SNTB2: variants seen among roughly 807,000 people sequenced by gnomAD.
SNTB2 encodes syntrophin beta 2.
Under a neutral mutation model 46.2 loss-of-function variants are expected in SNTB2, and 34 were observed. That is an observed-to-expected ratio of 0.74 (90% CI 0.56 to 0.98). The LOEUF is 0.98. Ranked by LOEUF, SNTB2 falls within the 50% of genes least tolerant of loss-of-function variation. The probability of loss-of-function intolerance (pLI) is 0.00; values close to 1 mark genes in which losing one functional copy is unlikely to be tolerated. For synonymous variants in SNTB2, 290 were observed against 312.6 expected (o/e 0.93, Z 0.76); for missense variants, 603 against 731.4 (o/e 0.82, Z 2.02).
intron 3 of SNTB2, among the ~76,000 whole-genome samples, chr16:69,267,515 T>C (rs1194377227): frequency 6.6e-6 from 1 of 152,224 alleles, no homozygotes; most frequent in Non-Finnish European, 1.5e-5. Context: ...CTTCCAGACA[T>C]TGGAGAGTTA....
rs141784297 is a variant in SNTB2 at position 69,251,702 on chromosome 16, C to T, written c.794+5887C>T. 1.1e-3 allele frequency among the ~76,000 whole-genome samples: 173 copies of T among 152,112 alleles called. 2 individuals are homozygous for T. Among genetic ancestry groups the T allele is most frequent in the African/African-American group, 3.7e-3 (155 of 41,498 alleles). Reference sequence around the variant, plus strand: ...CTGAGGGAGGAGAATCGCATGAACTCGGTAGGCAGAGGTTGTGGTGAGCTG... The same window carrying T: ...CTGAGGGAGGAGAATCGCATGAACTTGGTAGGCAGAGGTTGTGGTGAGCTG... On this transcript the variant is annotated intron_variant, in intron 2 of 6. Coordinates refer to ENST00000336278, the MANE Select transcript of SNTB2 (RefSeq NM_006750.4).
chr16:69,263,420 CTTT>C (rs533404729), intron 3 of SNTB2, among the ~76,000 whole-genome samples: 4 of 130,198 alleles, frequency 3.1e-5, no homozygotes, highest in African/African-American at 5.6e-5. Flanking sequence ...TGGGTATGTT[CTTT>C]TTTTTTTTTT....
intron 4 of SNTB2, among the ~76,000 whole-genome samples, chr16:69,279,515 C>CTTTTATTTTTTTT (rs1965016777): frequency 1.4e-5 from 1 of 71,734 alleles, no homozygotes; most frequent in African/African-American, 6.8e-5. Context: ...GTCCTTTGCC[C>CTTTTATTTTTTTT]TTTTTTTTTT....
Position 69,308,096 on chromosome 16 carries a change from A to G in SNTB2, c.*7172A>G, listed in dbSNP as rs1965329190. On this transcript the variant is annotated 3_prime_UTR_variant, in exon 7 of 7. Coordinates refer to ENST00000336278, the MANE Select transcript of SNTB2 (RefSeq NM_006750.4). ...GGTGCCCTCCCCTTGGTTTTCAAGTATCTTGGAGTTGTGCACAAAAATTAG... is the reference window on the plus strand; with the variant it reads ...GGTGCCCTCCCCTTGGTTTTCAAGTGTCTTGGAGTTGTGCACAAAAATTAG... The G allele has an allele frequency of 1.3e-5, 2 of 152,642 alleles. No homozygotes were observed. Among genetic ancestry groups the G allele is most frequent in the South Asian group, 4.1e-4 (2 of 4,832 alleles). The allele number at this position is 152,642 out of a possible 1,614,324, so 9.5% of individuals were successfully genotyped here.
chr16:69,270,996 C>CA (rs999471308), intron 4 of SNTB2, among the ~76,000 whole-genome samples: 2 of 152,108 alleles, frequency 1.3e-5, no homozygotes, highest in Admixed American at 1.3e-4. Context: ...ATTTAGTAGT[C>CA]AAAAGAGCTA....
rs1032986410 is a variant in SNTB2, at chr16:69,232,502, C to CTTTTTTTTTTTT, written c.581-13084_581-13073dup. ...TTACAGGTGTGAGCCACGGTGCGGC[C>CTTTTTTTTTTTT]TTTTTTTTTTTTTTTTTTTTTTTTT... On this transcript the variant is annotated intron_variant, in intron 1 of 6. Transcript: ENST00000336278. Among the ~76,000 whole-genome samples the CTTTTTTTTTTTT allele has an allele frequency of 9.9e-4, 63 of 63,882 alleles. 4 individuals carry two copies. The highest frequency in any genetic ancestry group is 1.6e-3 in the Non-Finnish European group (53 of 33,452). The allele number at this position is 63,882 out of a possible 152,430, so 41.9% of individuals were successfully genotyped here. A position where few individuals can be genotyped will look rare whatever the true frequency, so the allele number is the denominator to read the frequency against.
intron 1 of SNTB2, among the ~76,000 whole-genome samples, chr16:69,220,081 A>G (rs902863114): frequency 6.6e-5 from 10 of 151,546 alleles, no homozygotes; most frequent in African/African-American, 2.4e-4. Flanking sequence ...GAAGGTACCC[A>G]TAACTTACTT....
chr16:69,243,822 T>C (rs896302442), intron 1 of SNTB2, among the ~76,000 whole-genome samples: 1 of 152,222 alleles, frequency 6.6e-6, no homozygotes, highest in Admixed American at 6.5e-5. Flanking sequence ...GAAGCACGTG[T>C]ATTATAACTA....
At position 69,307,803 on chromosome 16, in the gene SNTB2, A is replaced by C. The variant is rs1258790440; in HGVS notation, c.*6879A>C. On this transcript the variant is annotated 3_prime_UTR_variant, in exon 7 of 7. Coordinates refer to ENST00000336278, the MANE Select transcript of SNTB2 (RefSeq NM_006750.4). ...CCATTTAAAAAATTAAAAAAAAAAA[A>C]AAAACTTTTAACATTTAAAAAATAA... The C allele has an allele frequency of 2.0e-5, 3 of 152,136 alleles. No individual in the cohort carries two copies. Among genetic ancestry groups the C allele is most frequent in the Non-Finnish European group, 2.9e-5 (2 of 68,016 alleles). The allele number at this position is 152,136 out of a possible 1,614,324, so 9.4% of individuals were successfully genotyped here. A position where few individuals can be genotyped will look rare whatever the true frequency, so the allele number is the denominator to read the frequency against.
At chr16:69,188,632 A>G (rs1033487272) in intron 1 of SNTB2, among the ~76,000 whole-genome samples, 3 of 152,216 alleles carry the variant, frequency 2.0e-5, no homozygotes, top group Non-Finnish European at 4.4e-5. Flanking sequence ...TGTAAATTAT[A>G]AACGAAAAGT....
intron 1 of SNTB2, among the ~76,000 whole-genome samples, chr16:69,197,011 T>C (rs958818007): frequency 2.0e-5 from 3 of 151,526 alleles, no homozygotes; most frequent in Non-Finnish European, 4.4e-5. Context: ...CTCTCAGTCT[T>C]TTCCTCATTT....
At chr16:69,265,849 GAAAT>G (rs1317143199) in intron 3 of SNTB2, among the ~76,000 whole-genome samples, 10 of 145,038 alleles carry the variant, frequency 6.9e-5, no homozygotes, top group Non-Finnish European at 1.2e-4. Flanking sequence ...AAAAAAAAAA[GAAAT>G]AAAATTTGGA....
At position 69,299,818 on chromosome 16, in the gene SNTB2, C is replaced by G. The variant is rs1965262349; in HGVS notation, c.1530+44C>G. 6 of 1,559,448 alleles carry G rather than the reference C, an allele frequency of 3.8e-6. No individual in the cohort carries two copies. In the Admixed American group the frequency reaches 5.2e-5, roughly 13 times the overall value. On this transcript the variant is annotated intron_variant, in intron 6 of 6. Coordinates refer to ENST00000336278, the MANE Select transcript of SNTB2 (RefSeq NM_006750.4). ...CACATGTTTATCTAATAGATGTTCT[C>G]TTTCCTTCTCATTACTTCTTACCCC...
intron 2 of SNTB2, among the ~76,000 whole-genome samples, chr16:69,259,278 G>T (rs1567409070): frequency 8.7e-6 from 1 of 114,536 alleles, no homozygotes; most frequent in South Asian, 2.6e-4. Context: ...ACAGAGTTTC[G>T]CTCTGTCACC....
Position 69,187,195 on chromosome 16 carries a change from CTGGAG to C in SNTB2, c.30_34del (p.Pro14HisfsTer91). On this transcript the variant is annotated frameshift_variant, in exon 1 of 7. Transcript: ENST00000336278. LOFTEE classifies it high-confidence loss of function. ...AGGGTAGCTGCGGCGACTGCGGCGG[CTGGAG>C]CGGGGCCGGCCATGGCGGTGTGGAC... 1 of 1,384,362 alleles carries C rather than the reference CTGGAG, an allele frequency of 7.2e-7. No homozygotes were observed. Among genetic ancestry groups the C allele is most frequent in the Non-Finnish European group, 9.4e-7 (1 of 1,067,000 alleles). 85.8% of individuals were successfully genotyped at this position (1,384,362 alleles called of 1,614,324 possible). A position where few individuals can be genotyped will look rare whatever the true frequency, so the allele number is the denominator to read the frequency against.
Position 69,303,081 on chromosome 16 carries a change from G to A in SNTB2, c.*2157G>A, listed in dbSNP as rs1480450221. 6.6e-6 allele frequency: 1 copy of A among 152,098 alleles called. No homozygotes were observed. Among genetic ancestry groups the A allele is most frequent in the Non-Finnish European group, 1.5e-5 (1 of 68,076 alleles). The allele number at this position is 152,098 out of a possible 1,614,324, so 9.4% of individuals were successfully genotyped here. On this transcript the variant is annotated 3_prime_UTR_variant, in exon 7 of 7. Transcript: ENST00000336278. Reference sequence around the variant, plus strand: ...AGGTTTTCACCATGTTGGCTAGGCTGGTCTTGAACTCCCGACCTCAAGTGA... The same window carrying A: ...AGGTTTTCACCATGTTGGCTAGGCTAGTCTTGAACTCCCGACCTCAAGTGA...
rs1039109202 is a variant in SNTB2 at position 69,288,638 on chromosome 16, C to G, written c.1345+4394C>G. Among the ~76,000 whole-genome samples, 9 of 152,188 alleles carry G rather than the reference C, an allele frequency of 5.9e-5. No individual in the cohort carries two copies. In the Middle Eastern group the frequency reaches 0.01, roughly 173 times the overall value. ...TACGGAAAACAGTATGAATATTTCT[C>G]AAAAAGCTAAAAATAGAACTACTGT... On this transcript the variant is annotated intron_variant, in intron 5 of 6. Transcript: ENST00000336278.
intron 2 of SNTB2, among the ~76,000 whole-genome samples, chr16:69,252,596 T>C (rs1964737070): frequency 6.6e-6 from 1 of 152,220 alleles, no homozygotes; most frequent in Admixed American, 6.5e-5. Flanking sequence ...TGATTATTAC[T>C]AAGTTGAACA....
intron 1 of SNTB2, among the ~76,000 whole-genome samples, chr16:69,194,489 A>G (rs755585704): frequency 2.0e-5 from 3 of 152,210 alleles, no homozygotes; most frequent in Non-Finnish European, 4.4e-5. Flanking sequence ...TAGTATAGTT[A>G]CTTATTTCCC....
Sources: gnomAD v4.1 joint callset for allele counts (sites outside exome capture counted in the v4.1 genomes callset) on GRCh38, gnomAD v4.1.1 for gene constraint, MANE v1.5 for transcripts, NCBI Gene and HGNC (gene_info 2026-07-23, HGNC 2026-07-21) for gene names.